The following SYNPO2 variants were observed in gnomAD, a reference collection of about 807,000 sequenced individuals.
SYNPO2 encodes synaptopodin 2.
A neutral mutation model predicts 85.0 loss-of-function variants in SYNPO2; 56 were observed. The observed-to-expected ratio is 0.66, with a 90% CI of 0.53 to 0.82. The LOEUF is 0.82. Among genes scored for constraint, SYNPO2 ranks in the 40% least tolerant of loss-of-function variants. The probability of loss-of-function intolerance (pLI) is 0.00; values close to 1 mark genes in which losing one functional copy is unlikely to be tolerated. For synonymous variants in SYNPO2, 602 were observed against 591.1 expected (o/e 1.02, Z -0.27); for missense variants, 1,575 against 1,534.2 (o/e 1.03, Z -0.44).
At chr4:119,035,678 T>C in intron 4 of SYNPO2, 1 of 985,386 alleles carries the variant, frequency 1.0e-6, no homozygotes, top group Non-Finnish European at 1.2e-6. Flanking sequence ...GAGCTACAAA[T>C]AGTTCTTTAA....
At chr4:118,948,499 C>T (rs554475741) in intron 1 of SYNPO2, among the ~76,000 whole-genome samples, 27 of 152,208 alleles carry the variant, frequency 1.8e-4, no homozygotes, top group African/African-American at 6.0e-4. Flanking sequence ...TAAAGGAATA[C>T]CTGAGGCTGG....
intron 1 of SYNPO2, among the ~76,000 whole-genome samples, chr4:118,987,028 A>C (rs1736245627): frequency 6.6e-6 from 1 of 152,206 alleles, no homozygotes; most frequent in African/African-American, 2.4e-5. Flanking sequence ...GAATTATGCT[A>C]AGTCAAAGTT....
chr4:118,880,584 C>T (rs567263659), intron 1 of SYNPO2, among the ~76,000 whole-genome samples: 1 of 151,980 alleles, frequency 6.6e-6, no homozygotes, highest in Admixed American at 6.5e-5. Flanking sequence ...CCCATCTTTA[C>T]TAAAAATACA....
At chr4:119,035,664 A>G (rs1468400770) in intron 4 of SYNPO2, 3 of 985,394 alleles carry the variant, frequency 3.0e-6, no homozygotes, top group South Asian at 4.7e-5. Context: ...AGGAAAACCA[A>G]TCTGAGCTAC....
At position 118,904,239 on chromosome 4, in the gene SYNPO2, T is replaced by C. The variant is rs551312109; in HGVS notation, c.105+15098T>C. ...AGTACTTAGAAAACATTCAAGAGTT[T>C]AAAAATTATTATTAGCATGTTTGCG... On this transcript the variant is annotated intron_variant, in intron 1 of 4. Transcript: ENST00000307142. Among the ~76,000 whole-genome samples, 4 of 129,368 alleles carry C rather than the reference T, an allele frequency of 3.1e-5. No individual in the cohort carries two copies. The Admixed American group carries it at 3.4e-4, about 11-fold the overall frequency. 84.9% of individuals were successfully genotyped at this position (129,368 alleles called of 152,430 possible). A position where few individuals can be genotyped will look rare whatever the true frequency, so the allele number is the denominator to read the frequency against.
intron 1 of SYNPO2, among the ~76,000 whole-genome samples, chr4:118,929,640 A>T (rs1416747728): frequency 1.3e-4 from 20 of 152,066 alleles, no homozygotes; most frequent in Non-Finnish European, 2.4e-4. Context: ...TGTTGTACAA[A>T]TAGAGTCGCT....
chr4:118,880,129 G>A (rs569905771), intron 1 of SYNPO2, among the ~76,000 whole-genome samples: 1 of 152,294 alleles, frequency 6.6e-6, no homozygotes, highest in East Asian at 1.9e-4. Flanking sequence ...CCTGAGGTAA[G>A]GAAATTGTAA....
chr4:118,998,526 C>T (rs1230689480), intron 1 of SYNPO2, among the ~76,000 whole-genome samples: 1 of 152,188 alleles, frequency 6.6e-6, no homozygotes, highest in Non-Finnish European at 1.5e-5. Flanking sequence ...GTTTACATGT[C>T]TATTAGTTGC....
chr4:118,905,008 G>C (rs927912541), intron 1 of SYNPO2, among the ~76,000 whole-genome samples: 1 of 152,020 alleles, frequency 6.6e-6, no homozygotes, highest in African/African-American at 2.4e-5. Flanking sequence ...CCTGCCAGAT[G>C]GGGAAATGTT....
At chr4:119,022,188 CA>C (rs1157769259) in intron 1 of SYNPO2, among the ~76,000 whole-genome samples, 1 of 152,172 alleles carries the variant, frequency 6.6e-6, no homozygotes, top group Admixed American at 6.5e-5. Flanking sequence ...GCTCTCTCCT[CA>C]AACAAGTTGC....
chr4:118,922,106 A>G (rs1039158758), intron 1 of SYNPO2, among the ~76,000 whole-genome samples: 1 of 152,160 alleles, frequency 6.6e-6, no homozygotes, highest in African/African-American at 2.4e-5. Context: ...GGTTAAATAA[A>G]TGAGGAGGGA....
chr4:118,879,668 CCA>C (rs1732035559), intron 1 of SYNPO2, among the ~76,000 whole-genome samples: 1 of 152,076 alleles, frequency 6.6e-6, no homozygotes, highest in Non-Finnish European at 1.5e-5. Flanking sequence ...TTATGGCAGT[CCA>C]AAGAGACTAA....
At position 118,853,207 on chromosome 4, in the gene SYNPO2, T is replaced by G. The variant is rs375502375; in HGVS notation, c.12+2267T>G. Among the ~76,000 whole-genome samples, 109 of 152,296 alleles carry G rather than the reference T, an allele frequency of 7.2e-4. 1 individual carries two copies. Among genetic ancestry groups the G allele is most frequent in the African/African-American group, 2.5e-3 (105 of 41,564 alleles). Reference sequence around the variant, plus strand: ...TTCCTATTTGTATTTTCCTTTCAGCTCATAGCAAAAGTTCTGGGGCTTAGT... The same window carrying G: ...TTCCTATTTGTATTTTCCTTTCAGCGCATAGCAAAAGTTCTGGGGCTTAGT... On this transcript the variant is annotated intron_variant, in intron 1 of 4. Transcript: ENST00000610556.
Position 119,026,800 on chromosome 4 carries a change from A to C in SYNPO2, c.431A>C (p.Glu144Ala). The C allele has an allele frequency of 1.3e-6, 2 of 1,592,818 alleles. No homozygotes were observed. The highest frequency in any genetic ancestry group is 4.6e-5 in the East Asian group (2 of 43,478). Reference protein sequence around the residue: ...APVKTEVPLAENQRSGPDCAG... With the variant: ...APVKTEVPLAANQRSGPDCAG... Reference sequence around the variant, plus strand: ...GTCAAGACTGAAGTTCCCCTAGCTGAGAACCAAAGAAGTGGTCCCGACTGT... The same window carrying C: ...GTCAAGACTGAAGTTCCCCTAGCTGCGAACCAAAGAAGTGGTCCCGACTGT... Residue 144 changes from glutamate to alanine, a missense_variant, in exon 3 of 5, where the codon GAG (glutamate) becomes GCG (alanine). Coordinates refer to ENST00000307142, the MANE Select transcript of SYNPO2 (RefSeq NM_133477.3).
intron 1 of SYNPO2, among the ~76,000 whole-genome samples, chr4:118,914,885 G>A (rs1222038939): frequency 6.6e-6 from 1 of 151,886 alleles, no homozygotes; most frequent in Non-Finnish European, 1.5e-5. Flanking sequence ...AGCAAAACTA[G>A]TGGAGTTGGA....
intron 1 of SYNPO2, among the ~76,000 whole-genome samples, chr4:118,954,913 G>T (rs74543459): frequency 1.3e-5 from 2 of 151,792 alleles, no homozygotes; most frequent in Non-Finnish European, 2.9e-5. Flanking sequence ...GGAAATTTAG[G>T]CATAGTAAAA....
chr4:118,973,868 A>T (rs1044216943), intron 1 of SYNPO2, among the ~76,000 whole-genome samples: 8 of 152,098 alleles, frequency 5.3e-5, no homozygotes, highest in Non-Finnish European at 1.2e-4. Context: ...ACCTAAACAA[A>T]CCCCACTGAA....
chr4:119,047,651 T>C (rs1738911839), intron 4 of SYNPO2, among the ~76,000 whole-genome samples: 1 of 152,242 alleles, frequency 6.6e-6, no homozygotes, highest in South Asian at 2.1e-4. Flanking sequence ...AAAGTGTTTT[T>C]ATCCTCTAAC....
chr4:119,054,868 T>C (rs996673923), intron 4 of SYNPO2, among the ~76,000 whole-genome samples: 1 of 152,222 alleles, frequency 6.6e-6, no homozygotes, highest in Non-Finnish European at 1.5e-5. Context: ...CTAGAATTTG[T>C]CTGCCTCCTG....
Sources: allele counts gnomAD v4.1 joint callset (sites outside exome capture counted in the v4.1 genomes callset), GRCh38; gene constraint gnomAD v4.1.1; transcripts MANE v1.5; gene names NCBI Gene and HGNC (gene_info 2026-07-23, HGNC 2026-07-21).